Variants in LIN28B observed in about 807,000 individuals in gnomAD.
LIN28B encodes lin-28 RNA binding posttranscriptional regulator B, also known as protein lin-28 homolog B.
In LIN28B, 5 loss-of-function variants were observed where a neutral mutation model predicts 21.9. The ratio of observed to expected loss-of-function variants is 0.23; its 90% CI spans 0.12 to 0.48. LIN28B has a LOEUF of 0.48. Among genes scored for constraint, LIN28B ranks in the 20% least tolerant of loss-of-function variants. LIN28B has a pLI of 0.98. For synonymous variants in LIN28B, 109 were observed against 111.3 expected (o/e 0.98, Z 0.13); for missense variants, 245 against 310.5 (o/e 0.79, Z 1.58).
At chr6:104,940,992 C>A (rs1446467358) in intron 2 of LIN28B, 5 of 152,106 alleles carry the variant, frequency 3.3e-5, no homozygotes, top group Non-Finnish European at 5.9e-5. Context: ...AGGCTAGCGA[C>A]GCGACCATGA....
intron 3 of LIN28B, among the ~76,000 whole-genome samples, chr6:105,045,144 C>A (rs926283041): frequency 6.6e-6 from 1 of 151,958 alleles, no homozygotes; most frequent in East Asian, 1.9e-4. Context: ...TACCTGAAGG[C>A]ACTATTTTTT....
At chr6:105,034,761 G>A (rs1207806197) in intron 3 of LIN28B, among the ~76,000 whole-genome samples, 1 of 152,034 alleles carries the variant, frequency 6.6e-6, no homozygotes, top group Admixed American at 6.6e-5. Context: ...ATGTGTGATA[G>A]TAAAGTTATT....
At chr6:104,974,735 T>C (rs778947626) in intron 2 of LIN28B, among the ~76,000 whole-genome samples, 11 of 151,932 alleles carry the variant, frequency 7.2e-5, no homozygotes, top group Non-Finnish European at 1.3e-4. Flanking sequence ...CAGCTCACAA[T>C]CTATATATGA....
chr6:105,037,375 A>G (rs923350382), intron 3 of LIN28B, among the ~76,000 whole-genome samples: 21 of 152,304 alleles, frequency 1.4e-4, no homozygotes, highest in African/African-American at 4.8e-4. Context: ...GCTTATATAA[A>G]GATTCTTCCA....
intron 2 of LIN28B, among the ~76,000 whole-genome samples, chr6:105,010,208 C>T (rs1375638336): frequency 6.6e-6 from 1 of 150,590 alleles, no homozygotes; most frequent in Non-Finnish European, 1.5e-5. Flanking sequence ...AAAAAACACA[C>T]AAAAATTAGC....
chr6:105,052,866 GT>G (rs1456349221), intron 3 of LIN28B, among the ~76,000 whole-genome samples: 1 of 151,386 alleles, frequency 6.6e-6, no homozygotes, highest in Non-Finnish European at 1.5e-5. Flanking sequence ...TTTTTATATT[GT>G]TTTCTATTTC....
At chr6:104,979,218 T>TC (rs1444194979) in intron 2 of LIN28B, among the ~76,000 whole-genome samples, 1 of 151,754 alleles carries the variant, frequency 6.6e-6, no homozygotes, top group East Asian at 1.9e-4. Flanking sequence ...TAATTTAATT[T>TC]TTTTTTTTTT....
In LIN28B at chr6:104,946,285, A is replaced by G. The variant is rs183910564; in HGVS notation, c.19-4176A>G. 3.3e-5 allele frequency among the ~76,000 whole-genome samples: 5 copies of G among 152,212 alleles called. No individual in the cohort carries two copies. In the East Asian group the frequency reaches 7.7e-4, roughly 24 times the overall value. ...TACTTTTAAGTAAATTATTTTGTTTAGATTTTCTGTTCCTGTGTATGATTG... is the reference window on the plus strand; with the variant it reads ...TACTTTTAAGTAAATTATTTTGTTTGGATTTTCTGTTCCTGTGTATGATTG... On this transcript the variant is annotated intron_variant, in intron 2 of 5. Coordinates refer to the LIN28B transcript ENST00000635857.
chr6:104,967,086 G>C (rs772036492), intron 2 of LIN28B, among the ~76,000 whole-genome samples: 14 of 151,226 alleles, frequency 9.3e-5, no homozygotes, highest in Admixed American at 4.0e-4. Context: ...GTTTTCTTTA[G>C]TTTTTTTTTC....
At chr6:104,975,841 C>CTTTTT (rs532004311) in intron 2 of LIN28B, among the ~76,000 whole-genome samples, 1 of 135,382 alleles carries the variant, frequency 7.4e-6, no homozygotes, top group Non-Finnish European at 1.6e-5. Flanking sequence ...TCTTCTTCTT[C>CTTTTT]TTTTTTTTTT....
chr6:104,998,996 A>G (rs922153092), intron 2 of LIN28B, among the ~76,000 whole-genome samples: 2 of 152,208 alleles, frequency 1.3e-5, no homozygotes, highest in Non-Finnish European at 2.9e-5. Flanking sequence ...AAATCCTTGC[A>G]GTATATAGAA....
At chr6:104,964,345 A>T (rs1172789922) in intron 2 of LIN28B, among the ~76,000 whole-genome samples, 2 of 152,170 alleles carry the variant, frequency 1.3e-5, no homozygotes, top group Non-Finnish European at 1.5e-5. Context: ...CTATATTCTT[A>T]CTTCTAAACT....
chr6:105,021,765 A>T (rs1053066622), intron 2 of LIN28B, among the ~76,000 whole-genome samples: 1 of 152,134 alleles, frequency 6.6e-6, no homozygotes, highest in African/African-American at 2.4e-5. Flanking sequence ...CCCATTCCGC[A>T]GGGTGTCTGT....
At chr6:104,956,197 A>C, upstream of LIN28B, among the ~76,000 whole-genome samples, 1 of 146,424 alleles carries the variant, frequency 6.8e-6, no homozygotes, top group East Asian at 2.0e-4. Flanking sequence ...GCTGCCGCCT[A>C]TCCTGGCGGC....
intron 2 of LIN28B, among the ~76,000 whole-genome samples, chr6:105,003,791 G>A (rs1770762864): frequency 6.6e-6 from 1 of 152,132 alleles, no homozygotes; most frequent in African/African-American, 2.4e-5. Context: ...GATTACAGGC[G>A]TGAGCCACTG....
intron 3 of LIN28B, among the ~76,000 whole-genome samples, chr6:105,069,806 A>G (rs1260462081): frequency 6.6e-6 from 1 of 152,216 alleles, no homozygotes; most frequent in Non-Finnish European, 1.5e-5. Flanking sequence ...AGTTAAACTC[A>G]GTAGGTTTTT....
chr6:105,052,763 T>C lies in LIN28B; in HGVS notation c.384-25651T>C, dbSNP rs556017742. ...CTTTTTTCATTGCTGATAATGGCTGTTGATTTCTTCTCTCTTGTTTCTTGA... is the reference window on the plus strand; with the variant it reads ...CTTTTTTCATTGCTGATAATGGCTGCTGATTTCTTCTCTCTTGTTTCTTGA... On this transcript the variant is annotated intron_variant, in intron 3 of 3. Transcript: ENST00000345080. 3.6e-3 allele frequency among the ~76,000 whole-genome samples: 542 copies of C among 152,344 alleles called. 2 individuals carry two copies. Among genetic ancestry groups the C allele is most frequent in the Admixed American group, 5.8e-3 (89 of 15,306 alleles).
At chr6:105,010,789 T>A (rs1582893997) in intron 2 of LIN28B, among the ~76,000 whole-genome samples, 1 of 152,314 alleles carries the variant, frequency 6.6e-6, no homozygotes, top group South Asian at 2.1e-4. Flanking sequence ...GTCTACCCTT[T>A]TGTAACTCAA....
intron 2 of LIN28B, among the ~76,000 whole-genome samples, chr6:104,991,297 G>C (rs946655879): frequency 6.6e-6 from 1 of 151,380 alleles, no homozygotes; most frequent in Non-Finnish European, 1.5e-5. Context: ...CTTCTCGGAC[G>C]GGGCGGCTGC....
Sources: allele counts gnomAD v4.1 joint callset (sites outside exome capture counted in the v4.1 genomes callset), GRCh38; gene constraint gnomAD v4.1.1; transcripts MANE v1.5; gene names NCBI Gene and HGNC (gene_info 2026-07-23, HGNC 2026-07-21).